The following COL4A6 variants were observed in gnomAD, a reference collection of about 807,000 sequenced individuals.
COL4A6 encodes the protein collagen type IV alpha 6 chain, also known as collagen alpha-6(IV) chain.
COL4A6 carries 59 observed loss-of-function variants against 126.7 expected under a neutral mutation model. The ratio of observed to expected loss-of-function variants is 0.47; its 90% confidence interval spans 0.38 to 0.58. The LOEUF is 0.58. Ranked by LOEUF, COL4A6 falls within the 20% of genes least tolerant of loss-of-function variation. The pLI is 0.00. For missense variants in COL4A6, 1,285 were observed against 1,337.3 expected (o/e 0.96, Z 0.61); for synonymous variants, 547 against 496.6 (o/e 1.10, Z -1.35).
At chrX:108,204,948 G>A (rs768427635) in intron 11 of COL4A6, among the ~76,000 whole-genome samples, 13 of 109,093 alleles carry the variant, frequency 1.2e-4, no homozygotes, top group Non-Finnish European at 1.9e-4. Context: ...GGAAATAAAA[G>A]AGAATGGTGA....
In COL4A6 at chrX:108,221,235, C is replaced by T. The variant is rs1294011573; in HGVS notation, c.279+5G>A. 1 of 1,211,321 alleles carries T rather than the reference C, an allele frequency of 8.3e-7. No individual in the cohort carries two copies. Among genetic ancestry groups the T allele is most frequent in the South Asian group, 1.8e-5 (1 of 56,977 alleles). On this transcript the variant is annotated splice_donor_5th_base_variant and intron_variant, in intron 4 of 44. Transcript: ENST00000334504. ...CAAAGAGAAATCAAGCTTTGCTGGT[C>T]TTACCTTATCTCCTTTTGGTCCATA...
At chrX:108,213,889 A>C in intron 6 of COL4A6, 1 of 351,741 alleles carries the variant, frequency 2.8e-6, no homozygotes, top group Non-Finnish European at 4.8e-6. Flanking sequence ...TGCATTAAAA[A>C]AAAGGCAACC....
chrX:108,319,772 G>A (rs1170221499), intron 2 of COL4A6, among the ~76,000 whole-genome samples: 1 of 112,136 alleles, frequency 8.9e-6, no homozygotes, highest in African/African-American at 3.2e-5. Flanking sequence ...TATTGGGAAT[G>A]GAAGAAATGG....
chrX:108,214,063 G>C lies in COL4A6; in HGVS notation c.441+49C>G, dbSNP rs199728003. 4.7e-6 allele frequency: 5 copies of C among 1,070,442 alleles called. No individual in the cohort carries two copies. In the South Asian group the frequency reaches 7.5e-5, roughly 16 times the overall value. The allele number at this position is 1,070,442 out of a possible 1,213,427, so 88.2% of individuals were successfully genotyped here. A position where few individuals can be genotyped will look rare whatever the true frequency, so the allele number is the denominator to read the frequency against. On this transcript the variant is annotated intron_variant, in intron 6 of 44. Coordinates refer to ENST00000334504, the MANE Select transcript of COL4A6 (RefSeq NM_033641.4). ...GAGAGGCAGAAAAAGGGCACACGTA[G>C]AGACAAGCAAAGCCATTTGAAATAA...
chrX:108,197,172 T>C (rs2035245696), intron 13 of COL4A6, among the ~76,000 whole-genome samples: 1 of 112,058 alleles, frequency 8.9e-6, no homozygotes, highest in South Asian at 3.8e-4. Context: ...ACTGGGACTG[T>C]AGGGCTCTTG....
chrX:108,180,997 T>A (rs765539055), intron 23 of COL4A6, 29 bp from the exon 24 acceptor site: 1 of 1,152,005 alleles, frequency 8.7e-7, no homozygotes, highest in South Asian at 1.8e-5. Context: ...GTGCATTCAG[T>A]GAACCCAGAG....
At chrX:108,224,925 T>C (rs1602860330) in intron 3 of COL4A6, among the ~76,000 whole-genome samples, 1 of 109,353 alleles carries the variant, frequency 9.1e-6, no homozygotes, top group East Asian at 2.9e-4. Context: ...GGTGGGTAGG[T>C]GGGCCTCTCC....
rs73636379 is a variant in COL4A6, at chrX:108,204,455, C to T, written c.688-43G>A. 0.029 allele frequency: 32,213 copies of T among 1,104,708 alleles called. 571 individuals are homozygous for T. The highest frequency in any genetic ancestry group is 0.11 in the African/African-American group (6,244 of 54,917). The allele number at this position is 1,104,708 out of a possible 1,213,427, so 91.0% of individuals were successfully genotyped here. ...ACATTAAGCAAAGTGACAATCACAC[C>T]GACCGTTTTTCCAGAGTGGGGGTTT... On this transcript the variant is annotated intron_variant, in intron 11 of 44. Transcript: ENST00000334504.
chrX:108,165,443 T>C lies in COL4A6; in HGVS notation c.3735A>G (p.Pro1245=), dbSNP rs758964399. 3 of 1,204,033 alleles carry C rather than the reference T, an allele frequency of 2.5e-6. No homozygotes were observed. The East Asian group carries it at 8.9e-5, about 36-fold the overall frequency. ...CTATGAGTGAGGGCAAGGAGATGCC[T>C]GGGGCACCGGGGAGACCAGCAGGGC... The part of the protein sequence containing the change: ...LQGPAGLPGA[P]GISLPSLIAG... Residue 1245 remains proline, a synonymous_variant, in exon 38 of 45, where the codon CCA becomes CCG. Transcript: ENST00000334504.
At chrX:108,316,116 T>C (rs765879888) in intron 2 of COL4A6, among the ~76,000 whole-genome samples, 3 of 112,018 alleles carry the variant, frequency 2.7e-5, no homozygotes, top group Non-Finnish European at 5.6e-5. Flanking sequence ...GGAAGCAAGA[T>C]AGGAAGTAAC....
At chrX:108,160,789 AAATGGT>A in intron 42 of COL4A6, 135 bp from the exon 43 acceptor site, 1 of 560,604 alleles carries the variant, frequency 1.8e-6, no homozygotes, top group Non-Finnish European at 2.6e-6. Context: ...TGACCCTGGA[AAATGGT>A]ATTACCACCC....
intron 2 of COL4A6, among the ~76,000 whole-genome samples, chrX:108,392,959 A>C (rs773642390): frequency 6.2e-5 from 7 of 112,185 alleles, no homozygotes; most frequent in Non-Finnish European, 1.1e-4. Flanking sequence ...AAACAGACTA[A>C]GACAATGGCT....
At chrX:108,417,038 C>T (rs918297467) in intron 2 of COL4A6, among the ~76,000 whole-genome samples, 4 of 112,093 alleles carry the variant, frequency 3.6e-5, no homozygotes, top group Middle Eastern at 4.6e-3. Flanking sequence ...CATTGTGTTC[C>T]TGACAGGATC....
chrX:108,170,838 A>G lies in COL4A6; in HGVS notation c.3357T>C (p.Ser1119=), dbSNP rs1411709340. 1 of 1,211,194 alleles carries G rather than the reference A, an allele frequency of 8.3e-7. No individual in the cohort carries two copies. The highest frequency in any genetic ancestry group is 1.1e-6 in the Non-Finnish European group (1 of 895,378). The change falls in exon 34 of 45, where the codon TCT becomes TCC. Residue 1119 remains serine (S), a synonymous_variant. Coordinates refer to ENST00000334504, the MANE Select transcript of COL4A6 (RefSeq NM_033641.4). ...GAGCTCCAGGAAGGCCAACATCTCC[A>G]GAAACACCAACTTTTCCATCTTCAC... is the stretch of plus-strand genomic sequence containing the variant. The part of the protein sequence containing the change: ...NKGEDGKVGV[S]GDVGLPGAPG...
At chrX:108,388,080 T>C (rs1229785379) in intron 2 of COL4A6, among the ~76,000 whole-genome samples, 2 of 112,165 alleles carry the variant, frequency 1.8e-5, no homozygotes, top group Non-Finnish European at 3.8e-5. Context: ...TTGATCGTGG[T>C]GGATAAGCTT....
chrX:108,165,176 C>G (rs896038821), intron 38 of COL4A6, 138 bp from the exon 39 acceptor site: 3 of 796,804 alleles, frequency 3.8e-6, no homozygotes, highest in South Asian at 2.4e-5. Context: ...GGTCCTAGTG[C>G]CCAGACTTTC....
rs150864451 is a variant in COL4A6, at chrX:108,347,053, T to C, written c.64-36225A>G. Among the ~76,000 whole-genome samples the C allele has an allele frequency of 1.0e-3, 118 of 112,557 alleles. 4 individuals are homozygous for C. The East Asian group carries it at 0.032, about 30-fold the overall frequency. On this transcript the variant is annotated intron_variant, in intron 2 of 44. Transcript: ENST00000334504. ...CAAATTTTTATTTTCCAATAATTTG[T>C]ATTACTTCATTTAGTTATTTTCCAA...
chrX:108,407,850 G>A (rs575092849), intron 2 of COL4A6, among the ~76,000 whole-genome samples: 21 of 112,237 alleles, frequency 1.9e-4, no homozygotes, highest in Non-Finnish European at 3.4e-4. Context: ...GGTGGTGATC[G>A]CGTTAGTACC....
At chrX:108,285,801 T>C (rs2037989525) in intron 3 of COL4A6, among the ~76,000 whole-genome samples, 1 of 111,928 alleles carries the variant, frequency 8.9e-6, no homozygotes, top group Admixed American at 9.5e-5. Flanking sequence ...ACTGAAAAGC[T>C]GTTAAAAAGG....
Sources: allele counts gnomAD v4.1 joint callset (sites outside exome capture counted in the v4.1 genomes callset), GRCh38; gene constraint gnomAD v4.1.1; transcripts MANE v1.5; gene names NCBI Gene and HGNC (gene_info 2026-07-23, HGNC 2026-07-21).